The following SKAP2 variants were observed in gnomAD, a reference collection of about 807,000 sequenced individuals.
The protein encoded by SKAP2 is src kinase-associated phosphoprotein 2.
A neutral mutation model predicts 54.9 loss-of-function variants in SKAP2; 28 were observed. The ratio of observed to expected loss-of-function variants is 0.51; its 90% CI spans 0.38 to 0.70. The LOEUF is 0.70. Among genes scored for constraint, SKAP2 ranks in the 30% least tolerant of loss-of-function variants. The pLI is 0.00. For synonymous variants in SKAP2, 137 were observed against 134.3 expected, an observed-to-expected ratio of 1.02 and a Z score of -0.14; for missense variants, 356 against 424.1, an observed-to-expected ratio of 0.84 and a Z score of 1.41.
chr7:26,777,243 C>A (rs892803140), intron 4 of SKAP2, among the ~76,000 whole-genome samples: 1 of 151,988 alleles, frequency 6.6e-6, no homozygotes, highest in South Asian at 2.1e-4. Flanking sequence ...CTCCTGAATA[C>A]GACAGAAAAA....
intron 9 of SKAP2, among the ~76,000 whole-genome samples, chr7:26,720,051 A>AAC (rs57945020): frequency 0.14 from 19,377 of 141,524 alleles, 1,504 homozygotes; most frequent in African/African-American, 0.24. Flanking sequence ...ACATATCTGT[A>AAC]ACACACACAC....
downstream of SKAP2, among the ~76,000 whole-genome samples, chr7:26,662,772 A>G (rs1042331220): frequency 2.6e-5 from 4 of 152,118 alleles, no homozygotes; most frequent in Admixed American, 6.6e-5. Flanking sequence ...CAGGATGCTT[A>G]TAACAGGATA....
chr7:26,844,733 C>G (rs1440553197), intron 3 of SKAP2, among the ~76,000 whole-genome samples: 1 of 151,986 alleles, frequency 6.6e-6, no homozygotes, highest in Non-Finnish European at 1.5e-5. Flanking sequence ...ATAGAAAAAA[C>G]TGCTTTAAAA....
At chr7:26,701,084 C>T (rs7806174) in intron 9 of SKAP2, among the ~76,000 whole-genome samples, 12,389 of 152,222 alleles carry the variant, frequency 0.081, 590 homozygotes, top group Middle Eastern at 0.17. Context: ...CTCTACTGTC[C>T]ACTTTTACTC....
In SKAP2 at chr7:26,796,338, C is replaced by T. The variant is rs544732568; in HGVS notation, c.307+47692G>A. ...AATCTGCTTAAAACGCTATGTGACA[C>T]TAATTGACACTAATCATCTCCATGT... is the stretch of plus-strand genomic sequence containing the variant. On this transcript the variant is annotated intron_variant, in intron 4 of 12. Coordinates refer to ENST00000345317, the MANE Select transcript of SKAP2 (RefSeq NM_003930.5). Among the ~76,000 whole-genome samples, 12 of 67,978 alleles carry T rather than the reference C, an allele frequency of 1.8e-4. No homozygotes were observed. In the East Asian group the frequency reaches 2.0e-3, roughly 11 times the overall value. 44.6% of individuals were successfully genotyped at this position (67,978 alleles called of 152,430 possible).
intron 8 of SKAP2, among the ~76,000 whole-genome samples, 157 bp from the exon 9 acceptor site, chr7:26,725,722 T>C (rs1228968438): frequency 6.6e-6 from 1 of 152,164 alleles, no homozygotes; most frequent in Non-Finnish European, 1.5e-5. Context: ...TTTGTAAATA[T>C]GTGAATTTTA....
At chr7:26,772,245 T>C (rs1350767866) in intron 4 of SKAP2, among the ~76,000 whole-genome samples, 1 of 152,194 alleles carries the variant, frequency 6.6e-6, no homozygotes, top group Non-Finnish European at 1.5e-5. Context: ...CCTTTTATTT[T>C]AGGTTCGGGG....
chr7:26,692,361 A>G (rs1027357851), intron 9 of SKAP2, among the ~76,000 whole-genome samples: 1 of 152,196 alleles, frequency 6.6e-6, no homozygotes, highest in Non-Finnish European at 1.5e-5. Context: ...GAGGCAACCC[A>G]GAGAACATGT....
intron 4 of SKAP2, among the ~76,000 whole-genome samples, chr7:26,799,962 C>CAAA (rs79221061): frequency 7.0e-6 from 1 of 143,362 alleles, no homozygotes; most frequent in African/African-American, 2.6e-5. Context: ...ACTAAAAATA[C>CAAA]AAAAAAAAAA....
intron 3 of SKAP2, among the ~76,000 whole-genome samples, chr7:26,849,570 A>G (rs1055841244): frequency 1.3e-5 from 2 of 151,938 alleles, no homozygotes; most frequent in African/African-American, 4.8e-5. Context: ...CTGTAATCCC[A>G]GCTACTCGGG....
At chr7:26,728,551 T>C (rs1158389556) in intron 6 of SKAP2, among the ~76,000 whole-genome samples, 1 of 152,152 alleles carries the variant, frequency 6.6e-6, no homozygotes, top group Non-Finnish European at 1.5e-5. Context: ...TGGTTGGTTC[T>C]TGTAAATTCT....
intron 9 of SKAP2, among the ~76,000 whole-genome samples, chr7:26,714,540 G>C (rs1787390180): frequency 1.3e-5 from 2 of 152,184 alleles, no homozygotes; most frequent in African/African-American, 4.8e-5. Context: ...CTCAGCTGTA[G>C]CACTTGCCGA....
intron 4 of SKAP2, among the ~76,000 whole-genome samples, chr7:26,781,690 T>G (rs571405304): frequency 1.5e-4 from 23 of 152,306 alleles, no homozygotes; most frequent in African/African-American, 4.8e-4. Flanking sequence ...TAGGACAATT[T>G]TTGATACCTC....
At chr7:26,829,186 A>C (rs915067427) in intron 4 of SKAP2, among the ~76,000 whole-genome samples, 4 of 152,176 alleles carry the variant, frequency 2.6e-5, no homozygotes, top group Non-Finnish European at 5.9e-5. Flanking sequence ...ATATCTGATA[A>C]GCAACTAGTA....
chr7:26,822,657 C>T (rs757865311), intron 4 of SKAP2, among the ~76,000 whole-genome samples: 3 of 151,534 alleles, frequency 2.0e-5, no homozygotes, highest in Non-Finnish European at 2.9e-5. Flanking sequence ...GGGTGGATCA[C>T]GAGGTCAGGA....
intron 1 of SKAP2, 146 bp downstream of exon 1, chr7:26,864,217 T>C: frequency 1.1e-6 from 1 of 918,596 alleles, no homozygotes; most frequent in Non-Finnish European, 1.7e-6. Flanking sequence ...ACCCCTCTCC[T>C]CTCCTCCCTG....
chr7:26,826,820 A>G (rs1180511917), intron 4 of SKAP2, among the ~76,000 whole-genome samples: 1 of 152,236 alleles, frequency 6.6e-6, no homozygotes, highest in Non-Finnish European at 1.5e-5. Context: ...AGTCTAAAAT[A>G]GCTAAAAGTA....
chr7:26,770,391 T>C lies in SKAP2; in HGVS notation c.308-30427A>G, dbSNP rs189753670. ...GCCAATGGATCTTAGCTTGCTGGGC[T>C]CTGTGGGGGTGGGATCTGCTGAGCA... On this transcript the variant is annotated intron_variant, in intron 4 of 12. Coordinates refer to ENST00000345317, the MANE Select transcript of SKAP2 (RefSeq NM_003930.5). Among the ~76,000 whole-genome samples, 45 of 152,248 alleles carry C rather than the reference T, an allele frequency of 3.0e-4. No homozygotes were observed. The East Asian group carries it at 7.5e-3, about 26-fold the overall frequency.
At chr7:26,713,681 G>C (rs1768013163) in intron 9 of SKAP2, among the ~76,000 whole-genome samples, 1 of 151,816 alleles carries the variant, frequency 6.6e-6, no homozygotes, top group Admixed American at 6.6e-5. Flanking sequence ...CTCACTGCAA[G>C]CTCCGCCTCC....
Sources: allele counts gnomAD v4.1 joint callset (sites outside exome capture counted in the v4.1 genomes callset), GRCh38; gene constraint gnomAD v4.1.1; transcripts MANE v1.5; gene names NCBI Gene and HGNC (gene_info 2026-07-23, HGNC 2026-07-21).